ABHD12: variants seen among roughly 807,000 people sequenced by gnomAD.
The protein encoded by ABHD12 is lysophosphatidylserine lipase ABHD12.
Under a neutral mutation model 58.3 loss-of-function variants are expected in ABHD12, and 43 were observed. The observed-to-expected ratio is 0.74, with a 90% CI of 0.58 to 0.95. The LOEUF is 0.95. ABHD12 is among the 40% of genes least tolerant of loss of function. ABHD12 has a pLI of 0.00. For synonymous variants in ABHD12, 219 were observed against 211.2 expected, an observed-to-expected ratio of 1.04 and a Z score of -0.32; for missense variants, 539 against 537.2, an observed-to-expected ratio of 1.00 and a Z score of -0.03.
intron 1 of ABHD12, among the ~76,000 whole-genome samples, chr20:25,374,577 T>TTGA (rs2089939202): frequency 6.6e-6 from 1 of 152,152 alleles, no homozygotes; most frequent in Non-Finnish European, 1.5e-5. Context: ...CACTGCAACC[T>TTGA]CCGCCTCCCA....
intron 4 of ABHD12, 60 bp from the exon 5 acceptor site, chr20:25,317,138 A>G: frequency 7.6e-7 from 1 of 1,307,954 alleles, no homozygotes; most frequent in African/African-American, 1.5e-5. Context: ...CCCCAGGTCA[A>G]CTTGTCCTCC....
intron 1 of ABHD12, among the ~76,000 whole-genome samples, chr20:25,359,864 C>A (rs1568759015): frequency 6.6e-6 from 1 of 152,166 alleles, no homozygotes; most frequent in Non-Finnish European, 1.5e-5. Flanking sequence ...AGCCACTGTG[C>A]CTGGCCAAGA....
At chr20:25,347,250 A>C in intron 1 of ABHD12, among the ~76,000 whole-genome samples, 1 of 152,184 alleles carries the variant, frequency 6.6e-6, no homozygotes, top group East Asian at 1.9e-4. Flanking sequence ...CAAGAGTCTC[A>C]TAAGGGACAG....
intron 5 of ABHD12, among the ~76,000 whole-genome samples, chr20:25,316,031 T>C (rs926085029): frequency 2.6e-5 from 4 of 152,204 alleles, no homozygotes; most frequent in African/African-American, 9.6e-5. Context: ...ACCCCCTGCA[T>C]GTGGGGAGAC....
At chr20:25,313,425 A>G (rs2088900556) in intron 6 of ABHD12, among the ~76,000 whole-genome samples, 1 of 151,822 alleles carries the variant, frequency 6.6e-6, no homozygotes, top group Admixed American at 6.6e-5. Context: ...AATCTCAAGT[A>G]CCCAGGGACA....
At chr20:25,356,203 C>T (rs1371451094) in intron 1 of ABHD12, among the ~76,000 whole-genome samples, 1 of 152,262 alleles carries the variant, frequency 6.6e-6, no homozygotes, top group Non-Finnish European at 1.5e-5. Flanking sequence ...CATCCAGGGT[C>T]AGACATTTAT....
At chr20:25,312,981 C>A (rs1163336329) in intron 6 of ABHD12, among the ~76,000 whole-genome samples, 1 of 150,460 alleles carries the variant, frequency 6.6e-6, no homozygotes, top group Admixed American at 6.6e-5. Flanking sequence ...AGCCCCCGAC[C>A]GGCCAGCCAC....
At chr20:25,328,392 G>A (rs1405008030) in intron 2 of ABHD12, among the ~76,000 whole-genome samples, 3 of 152,154 alleles carry the variant, frequency 2.0e-5, no homozygotes, top group African/African-American at 4.8e-5. Context: ...ATCCACACCT[G>A]GGGCCCAGTG....
At chr20:25,323,902 G>C (rs2089127699) in intron 2 of ABHD12, among the ~76,000 whole-genome samples, 1 of 152,226 alleles carries the variant, frequency 6.6e-6, no homozygotes, top group Non-Finnish European at 1.5e-5. Flanking sequence ...TGGCGCTGCA[G>C]GACCTGATGA....
intron 9 of ABHD12, among the ~76,000 whole-genome samples, chr20:25,307,404 C>A (rs1047789646): frequency 7.9e-5 from 12 of 152,232 alleles, no homozygotes; most frequent in Non-Finnish European, 1.5e-4. Context: ...GAATCCATGG[C>A]CAGTGGGGAG....
At chr20:25,301,144 C>G (rs1187680042) in intron 12 of ABHD12, among the ~76,000 whole-genome samples, 1 of 152,224 alleles carries the variant, frequency 6.6e-6, no homozygotes, top group Non-Finnish European at 1.5e-5. Context: ...GAGCTATTCT[C>G]TGGTCTAAAT....
intron 11 of ABHD12, 149 bp downstream of exon 11, chr20:25,303,398 AGGT>A (rs1156883320): frequency 6.6e-7 from 1 of 1,522,602 alleles, no homozygotes; most frequent in East Asian, 2.5e-5. Context: ...AGGGAGGATG[AGGT>A]GGCCTCCTGA....
intron 1 of ABHD12, among the ~76,000 whole-genome samples, chr20:25,373,075 G>A (rs1461719228): frequency 6.6e-6 from 1 of 152,144 alleles, no homozygotes; most frequent in Non-Finnish European, 1.5e-5. Context: ...AGGAGCAATA[G>A]GCCTTACCAC....
intron 10 of ABHD12, 53 bp downstream of exon 10, chr20:25,306,780 G>T: frequency 7.9e-7 from 1 of 1,272,916 alleles, no homozygotes; most frequent in Non-Finnish European, 1.1e-6. Flanking sequence ...TCATCCAGAG[G>T]TTCTCAGAGT....
chr20:25,372,686 A>C (rs571662956), intron 1 of ABHD12, among the ~76,000 whole-genome samples: 1 of 152,368 alleles, frequency 6.6e-6, no homozygotes, highest in Non-Finnish European at 1.5e-5. Context: ...TGGACCACTT[A>C]TACAATGGTT....
downstream of ABHD12, chr20:25,295,673 G>A: frequency 6.2e-7 from 1 of 1,612,702 alleles, no homozygotes; most frequent in South Asian, 1.1e-5. Context: ...TGTACCGGGT[G>A]AGGCTCCTGG....
intron 1 of ABHD12, among the ~76,000 whole-genome samples, chr20:25,345,807 C>A (rs2089510212): frequency 6.6e-6 from 1 of 152,160 alleles, no homozygotes; most frequent in African/African-American, 2.4e-5. Flanking sequence ...GAATGTGGAG[C>A]AACAGGAATT....
At chr20:25,368,312 C>A in intron 1 of ABHD12, 1 of 1,544,502 alleles carries the variant, frequency 6.5e-7, no homozygotes, top group South Asian at 1.1e-5. Flanking sequence ...GATCTTCTTG[C>A]TGGTCTTGCC....
Position 25,371,353 on chromosome 20 carries a change from G to A in ABHD12, c.191+19160C>T, listed in dbSNP as rs537323227. On this transcript the variant is annotated intron_variant, in intron 1 of 12. Coordinates refer to ENST00000339157, the MANE Select transcript of ABHD12 (RefSeq NM_001042472.3). ...CTTAGAACACTGTTTACAACCTGGA[G>A]GCAGCAGCAGGCTCTAATGCACAGA... Among the ~76,000 whole-genome samples the A allele has an allele frequency of 7.9e-5, 12 of 152,272 alleles. No homozygotes were observed. The South Asian group carries it at 1.9e-3, about 24-fold the overall frequency.
Sources: allele counts gnomAD v4.1 joint callset (sites outside exome capture counted in the v4.1 genomes callset), GRCh38; gene constraint gnomAD v4.1.1; transcripts MANE v1.5; gene names NCBI Gene and HGNC (gene_info 2026-07-23, HGNC 2026-07-21).